TLR1: variants seen among roughly 807,000 people sequenced by gnomAD.
TLR1 encodes toll-like receptor 1.
In TLR1, 19 loss-of-function variants were observed where a neutral mutation model predicts 20.2. The ratio of observed to expected loss-of-function variants is 0.94; its 90% CI spans 0.66 to 1.38. The LOEUF (loss-of-function observed/expected upper bound fraction) is 1.38, where lower values mean the gene tolerates loss of function less well. Among genes scored for constraint, TLR1 ranks in the 40% most tolerant of loss-of-function variants. The pLI, the probability that TLR1 is intolerant of heterozygous loss-of-function variation, is 0.00. For missense variants in TLR1, 921 were observed against 910.0 expected, an observed-to-expected ratio of 1.01 and a Z score of -0.16; for synonymous variants, 320 against 334.5, an observed-to-expected ratio of 0.96 and a Z score of 0.47.
chr4:38,804,627 A>G (rs942799166), intron 1 of TLR1, 127 bp downstream of exon 1: 5 of 152,254 alleles, frequency 3.3e-5, no homozygotes, highest in African/African-American at 1.2e-4. Flanking sequence ...CAGTAACTAT[A>G]TACATATCAG....
intron 3 of TLR1, among the ~76,000 whole-genome samples, chr4:38,800,212 T>G (rs1482036465): frequency 1.3e-5 from 2 of 152,132 alleles, no homozygotes; most frequent in Non-Finnish European, 1.5e-5. Flanking sequence ...GAATTGAGCT[T>G]GGCTTGTCTG....
chr4:38,799,014 C>T (rs1726441314), intron 3 of TLR1, 116 bp from the exon 4 acceptor site: 1 of 524,900 alleles, frequency 1.9e-6, no homozygotes, highest in South Asian at 3.0e-5. Flanking sequence ...GTGGAGGCTA[C>T]ATTCTTTTGG....
At chr4:38,795,858 A>G (rs1430615752), downstream of TLR1, among the ~76,000 whole-genome samples, 1 of 152,138 alleles carries the variant, frequency 6.6e-6, no homozygotes. Flanking sequence ...TTTTTGATTT[A>G]TCTCAAAAAA....
chr4:38,805,485 T>G (rs999328293), upstream of TLR1: 4 of 152,242 alleles, frequency 2.6e-5, no homozygotes, highest in East Asian at 7.7e-4. Context: ...GTTGACAGCA[T>G]GTTCAAGGAA....
intron 2 of TLR1, among the ~76,000 whole-genome samples, chr4:38,802,347 A>C (rs1264899143): frequency 6.6e-6 from 1 of 151,036 alleles, no homozygotes; most frequent in African/African-American, 2.4e-5. Context: ...GAGCTGGGCA[A>C]GCAGGCTTGA....
At position 38,796,321 on chromosome 4, in the gene TLR1, G is replaced by T. The variant is rs1236409971; in HGVS notation, c.*150C>A. ...TTAATTTTTAATACCACATATAAATGGTGAACTGCGACCCGAAGGTATATA... is the reference window on the plus strand; with the variant it reads ...TTAATTTTTAATACCACATATAAATTGTGAACTGCGACCCGAAGGTATATA... On this transcript the variant is annotated 3_prime_UTR_variant, in exon 4 of 4. Coordinates refer to ENST00000308979, the MANE Select transcript of TLR1 (RefSeq NM_003263.4). 1.3e-6 allele frequency: 1 copy of T among 779,714 alleles called. No individual in the cohort carries two copies. Among genetic ancestry groups the T allele is most frequent in the Non-Finnish European group, 2.0e-6 (1 of 501,430 alleles). 48.3% of individuals were successfully genotyped at this position (779,714 alleles called of 1,614,324 possible).
rs763452642 is a variant in TLR1 at position 38,796,750 on chromosome 4, G to A, written c.2082C>T (p.Ile694=). The A allele has an allele frequency of 3.9e-5, 63 of 1,614,082 alleles. No individual in the cohort carries two copies. Among genetic ancestry groups the A allele is most frequent in the Non-Finnish European group, 2.5e-6 (3 of 1,180,050 alleles). The part of the protein sequence containing the change: ...ITCIEKSYKS[I]FVLSPNFVQS... ...GGACAAAGTTGGGAGACAAAACAAA[G>A]ATGGACTTGTAACTCTTCTCAATGC... Residue 694 remains isoleucine (I), a synonymous_variant, in exon 4 of 4, where the codon ATC becomes ATT. Coordinates refer to ENST00000308979, the MANE Select transcript of TLR1 (RefSeq NM_003263.4).
In TLR1 at chr4:38,796,778, G is replaced by T. The variant is rs187624160; in HGVS notation, c.2054C>A (p.Thr685Asn). The T allele has an allele frequency of 9.3e-5, 150 of 1,614,206 alleles. No homozygotes were observed. The East Asian group carries it at 2.6e-3, about 28-fold the overall frequency. The change falls in exon 4 of 4, where the codon ACC becomes AAC. Residue 685 changes from threonine to asparagine, a missense_variant. Transcript: ENST00000308979. Reference protein sequence around the residue: ...PGKSIVENIITCIEKSYKSIF... With the variant: ...PGKSIVENIINCIEKSYKSIF... The stretch of plus-strand genomic sequence containing the variant: ...GGACTTGTAACTCTTCTCAATGCAG[G>T]TGATGATATTTTCCACAATGCTCTT...
chr4:38,794,105 T>C (rs1200969960), downstream of TLR1, among the ~76,000 whole-genome samples: 1 of 152,194 alleles, frequency 6.6e-6, no homozygotes, highest in African/African-American at 2.4e-5. Context: ...ATTTCAGTTG[T>C]TTAGGCCACC....
intron 2 of TLR1, among the ~76,000 whole-genome samples, chr4:38,801,447 T>C (rs990967960): frequency 6.6e-6 from 1 of 152,204 alleles, no homozygotes; most frequent in Non-Finnish European, 1.5e-5. Flanking sequence ...GTTACAGCAA[T>C]TTAAACAGAC....
In TLR1 at chr4:38,797,778, G is replaced by A; in HGVS notation, c.1054C>T (p.His352Tyr). The change falls in exon 4 of 4, where the codon CAT becomes TAT. Residue 352 changes from histidine (H) to tyrosine (Y), a missense_variant. By Grantham distance (83) the His-to-Tyr change is moderately conservative. Coordinates refer to ENST00000308979, the MANE Select transcript of TLR1 (RefSeq NM_003263.4). ...AAGAGATTATTGGAAAAATCCAAAT[G>A]CAGGAACGGGCTAATTTTGGATGGG... The part of the protein sequence containing the change: ...LCPSKISPFL[H>Y]LDFSNNLLTD... 6.2e-7 allele frequency: 1 copy of A among 1,614,104 alleles called. No individual in the cohort carries two copies. Among genetic ancestry groups the A allele is most frequent in the Non-Finnish European group, 8.5e-7 (1 of 1,179,998 alleles).
At chr4:38,792,519 G>A (rs769525917), downstream of TLR1, among the ~76,000 whole-genome samples, 6 of 152,018 alleles carry the variant, frequency 3.9e-5, no homozygotes, top group Non-Finnish European at 8.8e-5. Flanking sequence ...GGGCTCAAGC[G>A]ATCCTCCTGC....
Position 38,797,878 on chromosome 4 carries a change from A to T in TLR1, c.954T>A (p.Tyr318Ter). ...VSDVFGFPQS[Y>*]IYEIFSNMNI... ...TCATATTCGAAAAGATTTCATAGAT[A>T]TAACTTTGCGGAAAACCGAACACAT... The change falls in exon 4 of 4, where the codon TAT becomes TAA. Residue 318 changes from tyrosine (Y) to a stop codon, truncating the protein, a stop_gained. Coordinates refer to ENST00000308979, the MANE Select transcript of TLR1 (RefSeq NM_003263.4). LOFTEE classifies it low-confidence loss of function (END_TRUNC). The T allele has an allele frequency of 6.2e-7, 1 of 1,614,076 alleles. No individual in the cohort carries two copies. The highest frequency in any genetic ancestry group is 8.5e-7 in the Non-Finnish European group (1 of 1,179,904).
chr4:38,792,774 G>T (rs1416271050), downstream of TLR1, among the ~76,000 whole-genome samples: 2 of 150,618 alleles, frequency 1.3e-5, no homozygotes, highest in Non-Finnish European at 3.0e-5. Context: ...ATAAATATTT[G>T]TTCACATTTC....
Position 38,798,748 on chromosome 4 carries a change from T to C in TLR1, c.84A>G (p.Leu28=), listed in dbSNP as rs146944139. ...RIQLSEESEF[L]VDRSKNGLIH... ...TGAGACCGTTTTTTGACCTATCAACTAAAAATTCACTTTCTTCAGATAATT... is the reference window on the plus strand; with the variant it reads ...TGAGACCGTTTTTTGACCTATCAACCAAAAATTCACTTTCTTCAGATAATT... Residue 28 remains leucine, a synonymous_variant, in exon 4 of 4, where the codon TTA becomes TTG. Coordinates refer to ENST00000308979, the MANE Select transcript of TLR1 (RefSeq NM_003263.4). 1 of 1,612,702 alleles carries C rather than the reference T, an allele frequency of 6.2e-7. No homozygotes were observed. The highest frequency in any genetic ancestry group is 8.5e-7 in the Non-Finnish European group (1 of 1,179,750).
downstream of TLR1, among the ~76,000 whole-genome samples, chr4:38,789,638 T>C (rs1028646494): frequency 1.3e-5 from 2 of 152,168 alleles, no homozygotes; most frequent in African/African-American, 4.8e-5. Context: ...AATTTTTGTA[T>C]TTTTAGTAGA....
chr4:38,797,693 T>G lies in TLR1; in HGVS notation c.1139A>C (p.Gln380Pro). The change falls in exon 4 of 4, where the codon CAA becomes CCA. Residue 380 changes from glutamine (Q) to proline (P), a missense_variant. Transcript: ENST00000308979. Reference sequence around the variant, plus strand: ...TGAAAGTTCTTTTAATTGATTCATTTGTAAAATAAGTGTCTCCAACTCAGT... The same window carrying G: ...TGAAAGTTCTTTTAATTGATTCATTGGTAAAATAAGTGTCTCCAACTCAGT... Reference protein sequence around the residue: ...HLTELETLILQMNQLKELSKI... With the variant: ...HLTELETLILPMNQLKELSKI... 2 of 1,614,034 alleles carry G rather than the reference T, an allele frequency of 1.2e-6. No individual in the cohort carries two copies. The highest frequency in any genetic ancestry group is 1.7e-6 in the Non-Finnish European group (2 of 1,180,004).
downstream of TLR1, among the ~76,000 whole-genome samples, chr4:38,789,606 G>A (rs1220695393): frequency 6.6e-6 from 1 of 152,000 alleles, no homozygotes; most frequent in African/African-American, 2.4e-5. Context: ...GAGATTACAG[G>A]CACGCACAAC....
downstream of TLR1, among the ~76,000 whole-genome samples, chr4:38,789,170 G>A (rs111350806): frequency 8.4e-3 from 1,282 of 152,238 alleles, 21 homozygotes; most frequent in African/African-American, 0.029. Context: ...ACAATGAATG[G>A]TATACTGCAC....
Sources: gnomAD v4.1 joint callset for allele counts (sites outside exome capture counted in the v4.1 genomes callset) on GRCh38, gnomAD v4.1.1 for gene constraint, MANE v1.5 for transcripts, NCBI Gene and HGNC (gene_info 2026-07-23, HGNC 2026-07-21) for gene names.